Variants in PRIM2 observed in about 807,000 individuals in gnomAD.
The protein encoded by PRIM2 is DNA primase subunit 2.
In PRIM2, 39 loss-of-function variants were observed where a neutral mutation model predicts 67.3. The ratio of observed to expected loss-of-function variants is 0.58; its 90% CI spans 0.45 to 0.76. The LOEUF is 0.76. PRIM2 is among the 30% of genes least tolerant of loss of function. The pLI is 0.00. For missense variants in PRIM2, 398 were observed against 598.7 expected (o/e 0.66, Z 3.50); for synonymous variants, 143 against 198.7 (o/e 0.72, Z 2.36).
At chr6:57,240,683 A>G in the PRIM2 span, among the ~76,000 whole-genome samples, 1 of 152,164 alleles carries the variant, frequency 6.6e-6, no homozygotes, top group Non-Finnish European at 1.5e-5. Context: ...GTCTCCAAGG[A>G]GAGATAATTG....
At chr6:57,472,264 T>C (rs1773351839) in intron 7 of PRIM2, among the ~76,000 whole-genome samples, 1 of 152,016 alleles carries the variant, frequency 6.6e-6, no homozygotes, top group Non-Finnish European at 1.5e-5. Flanking sequence ...ACCCCGTCTC[T>C]ACTAAAAATA....
intron 3 of PRIM2, 110 bp downstream of exon 3, chr6:57,320,670 G>A (rs1436782204): frequency 3.1e-6 from 2 of 641,306 alleles, no homozygotes; most frequent in South Asian, 4.0e-5. Flanking sequence ...AAAGACTAAT[G>A]TATCATTAGC....
chr6:57,395,499 G>A (rs1278787621), intron 7 of PRIM2, among the ~76,000 whole-genome samples: 3 of 152,164 alleles, frequency 2.0e-5, no homozygotes, highest in Non-Finnish European at 4.4e-5. Flanking sequence ...AGTGGTGTCA[G>A]TTGTAGTATC....
intron 5 of PRIM2, among the ~76,000 whole-genome samples, chr6:57,340,712 G>A (rs563100134): frequency 3.9e-5 from 6 of 152,236 alleles, no homozygotes; most frequent in Non-Finnish European, 5.9e-5. Context: ...GTTGTGGGGT[G>A]GGGGTAGGGG....
chr6:57,417,127 C>T (rs1208016964), intron 7 of PRIM2, among the ~76,000 whole-genome samples: 4 of 151,918 alleles, frequency 2.6e-5, no homozygotes, highest in African/African-American at 9.7e-5. Context: ...CCACCATACC[C>T]GGCTAATTTT....
intron 7 of PRIM2, among the ~76,000 whole-genome samples, chr6:57,476,655 T>C (rs1406439185): frequency 1.1e-3 from 163 of 152,368 alleles, no homozygotes; most frequent in African/African-American, 3.7e-3. Context: ...TGTATACTTA[T>C]AGTACTCTTT....
At chr6:57,549,856 C>A (rs1447357869) in intron 10 of PRIM2, among the ~76,000 whole-genome samples, 1 of 152,062 alleles carries the variant, frequency 6.6e-6, no homozygotes, top group Admixed American at 6.5e-5. Context: ...GAGGCCGAGG[C>A]GGGCAGATGA....
chr6:57,539,646 GTGTGTGTGTGTATATATA>G (rs1562786999), intron 10 of PRIM2, among the ~76,000 whole-genome samples: 5 of 75,734 alleles, frequency 6.6e-5, no homozygotes, highest in African/African-American at 3.1e-4. Context: ...GTGTGTGTGT[GTGTGTGTGTGTATATATA>G]TATATATATG....
intron 5 of PRIM2, among the ~76,000 whole-genome samples, chr6:57,374,303 A>ATTTATTTATTTATTTT (rs1554331462): frequency 0.026 from 3,590 of 137,360 alleles, 65 homozygotes; most frequent in Non-Finnish European, 0.042. Context: ...TTATTTATTT[A>ATTTATTTATTTATTTT]TTTTTTTTGA....
the PRIM2 span, among the ~76,000 whole-genome samples, chr6:57,277,368 G>A: frequency 0.13 from 19,673 of 152,076 alleles, 1,361 homozygotes; most frequent in East Asian, 0.18. Flanking sequence ...GAACTTCCTA[G>A]CTAGGCATTC....
intron 7 of PRIM2, among the ~76,000 whole-genome samples, chr6:57,410,057 G>A (rs549338807): frequency 1.3e-5 from 2 of 151,974 alleles, no homozygotes; most frequent in South Asian, 2.1e-4. Flanking sequence ...AGTGGCTCAC[G>A]CCTGTAATCC....
chr6:57,623,242 C>A (rs1228491617), intron 12 of PRIM2, among the ~76,000 whole-genome samples: 2 of 152,130 alleles, frequency 1.3e-5, no homozygotes, highest in African/African-American at 4.8e-5. Context: ...ATTGGTGTCA[C>A]CAGGCCATGG....
chr6:57,301,259 G>A, the PRIM2 span, among the ~76,000 whole-genome samples: 3 of 152,204 alleles, frequency 2.0e-5, no homozygotes, highest in African/African-American at 7.2e-5. Context: ...AGGTCACGGC[G>A]GGTAGATCAC....
chr6:57,300,885 G>C, the PRIM2 span, among the ~76,000 whole-genome samples: 1 of 152,176 alleles, frequency 6.6e-6, no homozygotes, highest in African/African-American at 2.4e-5. Flanking sequence ...AAAGTTGCCA[G>C]TTAAATTTTC....
At chr6:57,398,912 C>CT (rs888028568) in intron 7 of PRIM2, among the ~76,000 whole-genome samples, 18 of 151,444 alleles carry the variant, frequency 1.2e-4, no homozygotes, top group East Asian at 5.8e-4. Flanking sequence ...CCTTTTTTGT[C>CT]TTTTTTTTAT....
the PRIM2 span, among the ~76,000 whole-genome samples, chr6:57,245,342 G>A: frequency 6.6e-6 from 1 of 152,102 alleles, no homozygotes; most frequent in African/African-American, 2.4e-5. Flanking sequence ...CTTTCTGAGT[G>A]CAAGGCTGTG....
At chr6:57,480,375 CA>C (rs1773585770) in intron 7 of PRIM2, among the ~76,000 whole-genome samples, 1 of 151,680 alleles carries the variant, frequency 6.6e-6, no homozygotes, top group Non-Finnish European at 1.5e-5. Flanking sequence ...CAGTTCCCCC[CA>C]GTGAAAACAT....
Position 57,396,673 on chromosome 6 carries a change from G to A in PRIM2, c.693+14505G>A, listed in dbSNP as rs556817645. Among the ~76,000 whole-genome samples, 4 of 152,226 alleles carry A rather than the reference G, an allele frequency of 2.6e-5. No homozygotes were observed. The South Asian group carries it at 6.2e-4, about 24-fold the overall frequency. On this transcript the variant is annotated intron_variant, in intron 7 of 13. Coordinates refer to ENST00000615550, the MANE Select transcript of PRIM2 (RefSeq NM_000947.5). Reference sequence around the variant, plus strand: ...TTCAATGTTAGTATTGAGATGTGAGGTACCGTTCCATTCATTGTGCTATTT... The same window carrying A: ...TTCAATGTTAGTATTGAGATGTGAGATACCGTTCCATTCATTGTGCTATTT...
At chr6:57,615,871 T>C (rs1213913438) in intron 12 of PRIM2, among the ~76,000 whole-genome samples, 14,003 of 151,242 alleles carry the variant, frequency 0.093, 859 homozygotes, top group Non-Finnish European at 0.13. Context: ...TCCTGGAAGA[T>C]ACAGCAAGAC....
Sources: gnomAD v4.1 joint callset for allele counts (sites outside exome capture counted in the v4.1 genomes callset) on GRCh38, gnomAD v4.1.1 for gene constraint, MANE v1.5 for transcripts, NCBI Gene and HGNC (gene_info 2026-07-23, HGNC 2026-07-21) for gene names.